Variants in MTMR14 observed in about 807,000 individuals in gnomAD.
MTMR14 encodes myotubularin related protein 14, also known as phosphatidylinositol-3,5-bisphosphate 3-phosphatase MTMR14.
Under a neutral mutation model 86.3 loss-of-function variants are expected in MTMR14, and 48 were observed. That is an observed-to-expected ratio of 0.56 (90% CI 0.44 to 0.71). The LOEUF (loss-of-function observed/expected upper bound fraction) is 0.71. Ranked by LOEUF, MTMR14 falls within the 30% of genes least tolerant of loss-of-function variation. The pLI, the probability that MTMR14 is intolerant of heterozygous loss-of-function variation, is 0.00. For synonymous variants in MTMR14, 366 were observed against 326.1 expected (o/e 1.12, Z -1.32); for missense variants, 780 against 834.6 (o/e 0.93, Z 0.81).
At chr3:9,669,611 T>C (rs1457364285) in intron 5 of MTMR14, 119 bp downstream of exon 5, 18 of 1,027,606 alleles carry the variant, frequency 1.8e-5, no homozygotes, top group Non-Finnish European at 2.4e-5. Flanking sequence ...TGGATTGGCT[T>C]CTTCCTCTTC....
chr3:9,697,933 A>G, intron 18 of MTMR14, 67 bp downstream of exon 18: 1 of 1,604,870 alleles, frequency 6.2e-7, no homozygotes, highest in Non-Finnish European at 8.5e-7. Flanking sequence ...AGCAGTCAGG[A>G]GTGCTGGGTA....
At chr3:9,674,504 T>C (rs1285272611) in intron 7 of MTMR14, among the ~76,000 whole-genome samples, 1 of 152,164 alleles carries the variant, frequency 6.6e-6, no homozygotes, top group Non-Finnish European at 1.5e-5. Flanking sequence ...GAATCGAAAA[T>C]GGGCTGGGCA....
At chr3:9,682,320 G>A (rs918098001) in intron 9 of MTMR14, among the ~76,000 whole-genome samples, 5 of 152,170 alleles carry the variant, frequency 3.3e-5, no homozygotes, top group Non-Finnish European at 2.9e-5. Context: ...TACAGGTGCC[G>A]TGTTCCCCCT....
In MTMR14 at chr3:9,653,787, G is replaced by A. The variant is rs762243300; in HGVS notation, c.308+18G>A. The A allele has an allele frequency of 1.4e-5, 23 of 1,613,902 alleles. No individual in the cohort carries two copies. Among genetic ancestry groups the A allele is most frequent in the South Asian group, 7.7e-5 (7 of 91,090 alleles). On this transcript the variant is annotated intron_variant, in intron 2 of 18. Transcript: ENST00000296003. ...AAAGACACGTGAGCATCATGTGACC[G>A]TAGTGTACATGTCTGGGGAGTCCGT...
intron 2 of MTMR14, among the ~76,000 whole-genome samples, chr3:9,660,227 C>T (rs1258717381): frequency 6.6e-6 from 1 of 151,276 alleles, no homozygotes; most frequent in East Asian, 1.9e-4. Context: ...CCTAGGGCTG[C>T]CTGGTGGGTT....
chr3:9,655,778 C>T (rs887261410), intron 2 of MTMR14, among the ~76,000 whole-genome samples: 2 of 150,764 alleles, frequency 1.3e-5, no homozygotes, highest in African/African-American at 4.9e-5. Context: ...GTCTTAAATA[C>T]ACTATAGCTT....
chr3:9,659,716 A>C (rs968316959), intron 2 of MTMR14: 1 of 455,762 alleles, frequency 2.2e-6, no homozygotes, highest in African/African-American at 2.0e-5. Context: ...GTGTGGGATT[A>C]CAGGCATGAG....
intron 1 of MTMR14, among the ~76,000 whole-genome samples, chr3:9,652,267 C>G (rs112782117): frequency 0.012 from 1,815 of 152,314 alleles, 16 homozygotes; most frequent in Middle Eastern, 0.051. Flanking sequence ...ATGCCTGGCC[C>G]TCTTGCAAAC....
chr3:9,689,496 G>A (rs909765796), intron 16 of MTMR14, among the ~76,000 whole-genome samples: 6 of 152,310 alleles, frequency 3.9e-5, no homozygotes, highest in African/African-American at 1.4e-4. Context: ...ATGAAATTGA[G>A]ACCCTGATGA....
At chr3:9,663,501 CTTTTTTTTT>C (rs4021721) in intron 3 of MTMR14, among the ~76,000 whole-genome samples, 3 of 69,964 alleles carry the variant, frequency 4.3e-5, no homozygotes, top group Non-Finnish European at 8.7e-5. Flanking sequence ...GAGTCTCTCT[CTTTTTTTTT>C]TTTTTTTTTT....
At chr3:9,657,470 C>T (rs982113516) in intron 2 of MTMR14, among the ~76,000 whole-genome samples, 1 of 152,074 alleles carries the variant, frequency 6.6e-6, no homozygotes, top group Admixed American at 6.6e-5. Context: ...TTGAGTACCT[C>T]TGTTTGGCAG....
At chr3:9,656,894 T>C (rs2047639655) in intron 2 of MTMR14, among the ~76,000 whole-genome samples, 2 of 152,176 alleles carry the variant, frequency 1.3e-5, no homozygotes, top group African/African-American at 2.4e-5. Flanking sequence ...CATTCTGATA[T>C]TAAGCTCAGC....
chr3:9,659,231 A>G lies in MTMR14; in HGVS notation c.309-3036A>G, dbSNP rs190923290. Among the ~76,000 whole-genome samples, 405 of 152,056 alleles carry G rather than the reference A, an allele frequency of 2.7e-3. 6 individuals are homozygous for G. The East Asian group carries it at 0.03, about 11-fold the overall frequency. On this transcript the variant is annotated intron_variant, in intron 2 of 18. Coordinates refer to ENST00000296003, the MANE Select transcript of MTMR14 (RefSeq NM_001077525.3). Reference sequence around the variant, plus strand: ...GGCAACAGAGGAAGACCTTGTTGGGAAAAAAACAACAAAATCTCACTACCT... The same window carrying G: ...GGCAACAGAGGAAGACCTTGTTGGGGAAAAAACAACAAAATCTCACTACCT...
intron 13 of MTMR14, 87 bp from the exon 14 acceptor site, chr3:9,687,734 C>A: frequency 9.3e-7 from 1 of 1,074,722 alleles, no homozygotes; most frequent in Non-Finnish European, 1.4e-6. Flanking sequence ...CCAGCAGGGG[C>A]CTTGACCTGA....
intron 1 of MTMR14, chr3:9,650,534 G>A (rs1317182868): frequency 8.4e-6 from 3 of 358,360 alleles, no homozygotes; most frequent in Non-Finnish European, 1.7e-5. Context: ...ATTACCGTGA[G>A]TTGCTATTCT....
chr3:9,684,331 G>C (rs1250029829), intron 10 of MTMR14, among the ~76,000 whole-genome samples: 2 of 152,174 alleles, frequency 1.3e-5, no homozygotes, highest in African/African-American at 4.8e-5. Flanking sequence ...AAAGTGGACT[G>C]TGTAGGCTGC....
intron 1 of MTMR14, 73 bp downstream of exon 1, chr3:9,649,815 G>C (rs1429932067): frequency 6.3e-7 from 1 of 1,589,468 alleles, no homozygotes; most frequent in Non-Finnish European, 8.6e-7. Context: ...CTGAGGCCAG[G>C]GGTCAGAAAA....
In MTMR14 at chr3:9,687,823, TTTC is replaced by T. The variant is rs775851575; in HGVS notation, c.1175_1177del (p.Phe392del). On this transcript the variant is annotated inframe_deletion, in exon 14 of 19. Transcript: ENST00000296003. The stretch of plus-strand genomic sequence containing the variant: ...CGCTGCTCTTTGGTCTCCTTTAGAT[TTTC>T]TTCTTCTGCTTCAATTTTTTGAAGC... The T allele has an allele frequency of 3.0e-5, 47 of 1,573,234 alleles. No homozygotes were observed. The highest frequency in any genetic ancestry group is 3.7e-5 in the Non-Finnish European group (43 of 1,156,696).
At chr3:9,682,150 G>T (rs1216495379) in intron 9 of MTMR14, among the ~76,000 whole-genome samples, 1 of 152,244 alleles carries the variant, frequency 6.6e-6, no homozygotes, top group Non-Finnish European at 1.5e-5. Context: ...TGAGCCAGAT[G>T]AGTTGAGAGA....
Sources: gnomAD v4.1 joint callset for allele counts (sites outside exome capture counted in the v4.1 genomes callset) on GRCh38, gnomAD v4.1.1 for gene constraint, MANE v1.5 for transcripts, NCBI Gene and HGNC (gene_info 2026-07-23, HGNC 2026-07-21) for gene names.